PSD3: variants seen among roughly 807,000 people sequenced by gnomAD.
The protein encoded by PSD3 is PH and SEC7 domain-containing protein 3.
PSD3 carries 49 observed loss-of-function variants against 105.5 expected under a neutral mutation model. The ratio of observed to expected loss-of-function variants is 0.46; its 90% confidence interval spans 0.37 to 0.59. The LOEUF (loss-of-function observed/expected upper bound fraction) is 0.59, where lower values mean the gene tolerates loss of function less well. PSD3 is among the 20% of genes least tolerant of loss of function. PSD3 has a pLI of 0.00. For missense variants in PSD3, 1,561 were observed against 1,263.8 expected (o/e 1.24, Z -3.57); for synonymous variants, 557 against 457.8 (o/e 1.22, Z -2.77).
chr8:18,704,935 A>T (rs946013877), intron 9 of PSD3, among the ~76,000 whole-genome samples: 2 of 152,216 alleles, frequency 1.3e-5, no homozygotes, highest in Non-Finnish European at 2.9e-5. Context: ...GGAAAAAATA[A>T]ATGGGCAACC....
In PSD3 at chr8:18,899,438, A is replaced by T. The variant is rs955034360; in HGVS notation, c.131-26705T>A. Among the ~76,000 whole-genome samples the T allele has an allele frequency of 2.0e-5, 3 of 152,138 alleles. No individual in the cohort carries two copies. The East Asian group carries it at 5.8e-4, about 29-fold the overall frequency. The stretch of plus-strand genomic sequence containing the variant: ...TTCACAGCTTTTCCTTTAACAATGG[A>T]ATCTTCAACGATGCAATCTTCCAGA... On this transcript the variant is annotated intron_variant, in intron 2 of 15. Transcript: ENST00000327040.
intron 14 of PSD3, among the ~76,000 whole-genome samples, chr8:18,563,714 A>T (rs1246457322): frequency 6.6e-6 from 1 of 152,208 alleles, no homozygotes; most frequent in African/African-American, 2.4e-5. Flanking sequence ...GAAGAAATGA[A>T]TTTTTAAAAA....
Position 18,967,281 on chromosome 8 carries a change from G to A in PSD3, c.22-31139C>T, listed in dbSNP as rs12549519. Among the ~76,000 whole-genome samples, 1,146 of 151,762 alleles carry A rather than the reference G, an allele frequency of 7.6e-3. 36 individuals carry two copies. Among genetic ancestry groups the A allele is most frequent in the East Asian group, 0.051 (261 of 5,134 alleles). ...AGTGATTCTCCCGCTTCTGCCTCCC[G>A]AATAGCTGGGATTACAGGTGTGCAC... On this transcript the variant is annotated intron_variant, in intron 1 of 15. Coordinates refer to ENST00000327040, the MANE Select transcript of PSD3 (RefSeq NM_015310.4).
chr8:18,533,501 T>C lies in PSD3; in HGVS notation c.*2242A>G, dbSNP rs1563294331. 1.3e-5 allele frequency: 2 copies of C among 152,154 alleles called. No individual in the cohort carries two copies. The highest frequency in any genetic ancestry group is 3.9e-4 in the East Asian group (2 of 5,188). The allele number at this position is 152,154 out of a possible 1,614,324, so 9.4% of individuals were successfully genotyped here. ...TAGTGGTGCTGATGCTAGCCGAGTA[T>C]TTCAACACTACTCTAAATGTCAGAA... On this transcript the variant is annotated 3_prime_UTR_variant, in exon 16 of 16. Transcript: ENST00000327040.
chr8:18,790,525 A>G (rs1563271412), intron 8 of PSD3, among the ~76,000 whole-genome samples: 3 of 151,878 alleles, frequency 2.0e-5, no homozygotes, highest in East Asian at 1.9e-4. Flanking sequence ...GATGGTCTCT[A>G]TCTCCTGACC....
chr8:18,691,767 G>A (rs1217924274), intron 9 of PSD3, among the ~76,000 whole-genome samples: 1 of 152,124 alleles, frequency 6.6e-6, no homozygotes. Flanking sequence ...GCCAATCATT[G>A]AATCTAGGAG....
At chr8:18,706,582 A>G (rs1801915002) in intron 9 of PSD3, among the ~76,000 whole-genome samples, 1 of 152,232 alleles carries the variant, frequency 6.6e-6, no homozygotes, top group Non-Finnish European at 1.5e-5. Flanking sequence ...TCCATGCACA[A>G]TCCAGGGGAG....
At chr8:18,846,467 G>A (rs1045219914) in intron 4 of PSD3, among the ~76,000 whole-genome samples, 6 of 152,246 alleles carry the variant, frequency 3.9e-5, no homozygotes, top group African/African-American at 1.4e-4. Flanking sequence ...TCCTTGTGAA[G>A]GTACAGGGGT....
chr8:18,646,559 C>T (rs529812597), intron 10 of PSD3, among the ~76,000 whole-genome samples: 1 of 151,888 alleles, frequency 6.6e-6, no homozygotes, highest in South Asian at 2.1e-4. Flanking sequence ...ATGGCTGATT[C>T]TAATGTTGGC....
At chr8:18,744,350 G>A (rs986658328) in intron 9 of PSD3, among the ~76,000 whole-genome samples, 1 of 152,070 alleles carries the variant, frequency 6.6e-6, no homozygotes, top group East Asian at 1.9e-4. Context: ...GAGAATCCAG[G>A]CAGCATGAAT....
chr8:19,017,005 T>G (rs1827199279), upstream of PSD3, among the ~76,000 whole-genome samples: 1 of 152,014 alleles, frequency 6.6e-6, no homozygotes, highest in Non-Finnish European at 1.5e-5. Flanking sequence ...GGCAGGGACA[T>G]TCAAGCCATA....
chr8:18,710,570 A>G (rs1473025664), intron 9 of PSD3, among the ~76,000 whole-genome samples: 3 of 152,158 alleles, frequency 2.0e-5, no homozygotes, highest in Non-Finnish European at 2.9e-5. Flanking sequence ...AAAAGAAAAA[A>G]TCTTAAAGGG....
intron 9 of PSD3, among the ~76,000 whole-genome samples, chr8:18,755,719 T>A (rs1380294489): frequency 6.6e-6 from 1 of 152,018 alleles, no homozygotes; most frequent in Non-Finnish European, 1.5e-5. Context: ...GCAGCATCTG[T>A]TCTGTTAAAA....
chr8:18,696,730 T>C (rs560494893), intron 9 of PSD3, among the ~76,000 whole-genome samples: 45 of 152,292 alleles, frequency 3.0e-4, no homozygotes, highest in Non-Finnish European at 4.3e-4. Flanking sequence ...TTCTAAGATA[T>C]CTGATTCTCA....
intron 1 of PSD3, among the ~76,000 whole-genome samples, chr8:19,042,216 G>A (rs191061685): frequency 1.3e-5 from 2 of 152,244 alleles, no homozygotes; most frequent in Admixed American, 1.3e-4. Flanking sequence ...GTCCCTGTAG[G>A]CTCCTTTTTG....
intron 9 of PSD3, among the ~76,000 whole-genome samples, chr8:18,693,976 G>C (rs1045882085): frequency 8.5e-5 from 13 of 152,168 alleles, no homozygotes; most frequent in African/African-American, 3.1e-4. Flanking sequence ...GTGATGATGG[G>C]TAGTAACACT....
At chr8:18,655,120 G>A (rs997318047) in intron 10 of PSD3, among the ~76,000 whole-genome samples, 2 of 151,612 alleles carry the variant, frequency 1.3e-5, no homozygotes, top group Non-Finnish European at 2.9e-5. Context: ...TCAGGAGATC[G>A]AGACCATCCT....
chr8:19,008,651 G>A (rs1279394812), intron 1 of PSD3, among the ~76,000 whole-genome samples: 1 of 152,080 alleles, frequency 6.6e-6, no homozygotes, highest in Non-Finnish European at 1.5e-5. Context: ...ATCTCCTAGA[G>A]GCCAAACAAA....
At chr8:19,077,832 A>G (rs546217468) in intron 1 of PSD3, among the ~76,000 whole-genome samples, 4 of 152,238 alleles carry the variant, frequency 2.6e-5, no homozygotes, top group East Asian at 1.9e-4. Context: ...GTATAACCCA[A>G]TTCAGGGCAT....
Sources: allele counts gnomAD v4.1 joint callset (sites outside exome capture counted in the v4.1 genomes callset), GRCh38; gene constraint gnomAD v4.1.1; transcripts MANE v1.5; gene names NCBI Gene and HGNC (gene_info 2026-07-23, HGNC 2026-07-21).